Variants in DDX4 observed in about 807,000 individuals in gnomAD.
The protein encoded by DDX4 is probable ATP-dependent RNA helicase DDX4.
DDX4 carries 25 observed loss-of-function variants against 100.0 expected under a neutral mutation model. The ratio of observed to expected loss-of-function variants is 0.25; its 90% CI spans 0.18 to 0.35. The LOEUF is 0.35. Among genes scored for constraint, DDX4 ranks in the 10% least tolerant of loss-of-function variants. The probability of loss-of-function intolerance (pLI) is 1.00; values close to 1 mark genes in which losing one functional copy is unlikely to be tolerated. For missense variants in DDX4, 635 were observed against 882.4 expected, an observed-to-expected ratio of 0.72 and a Z score of 3.55; for synonymous variants, 259 against 275.7, an observed-to-expected ratio of 0.94 and a Z score of 0.60.
intron 3 of DDX4, among the ~76,000 whole-genome samples, chr5:55,747,818 G>A (rs529576925): frequency 1.3e-5 from 2 of 152,154 alleles, no homozygotes; most frequent in African/African-American, 2.4e-5. Context: ...TCTCTAAATC[G>A]AGTTACTACT....
chr5:55,816,612 A>G lies in DDX4; in HGVS notation c.*72A>G. 2 of 1,571,002 alleles carry G rather than the reference A, an allele frequency of 1.3e-6. No individual in the cohort carries two copies. Among genetic ancestry groups the G allele is most frequent in the Admixed American group, 1.8e-5 (1 of 54,728 alleles). ...TAGTTTTGATTTTTGAGTTTTTAACAGAAGTATAAAACTTAACATTCTCAT... is the reference window on the plus strand; with the variant it reads ...TAGTTTTGATTTTTGAGTTTTTAACGGAAGTATAAAACTTAACATTCTCAT... On this transcript the variant is annotated 3_prime_UTR_variant, in exon 22 of 22. Coordinates refer to ENST00000505374, the MANE Select transcript of DDX4 (RefSeq NM_024415.3).
At chr5:55,811,649 C>A (rs1343575655) in intron 18 of DDX4, among the ~76,000 whole-genome samples, 2 of 152,048 alleles carry the variant, frequency 1.3e-5, no homozygotes, top group African/African-American at 2.4e-5. Context: ...GTAGTTGCAA[C>A]CACTTATGTT....
At chr5:55,790,432 C>T in intron 15 of DDX4, 144 bp from the exon 16 acceptor site, 1 of 620,044 alleles carries the variant, frequency 1.6e-6, no homozygotes, top group Non-Finnish European at 2.8e-6. Flanking sequence ...AGGCGTGAGC[C>T]ACTGCACCCA....
intron 17 of DDX4, among the ~76,000 whole-genome samples, chr5:55,796,411 A>G (rs536215711): frequency 6.6e-6 from 1 of 152,268 alleles, no homozygotes; most frequent in East Asian, 1.9e-4. Flanking sequence ...GTCCTTATCA[A>G]TTTTGCCCTG....
chr5:55,810,102 A>ATTT (rs533865757), intron 18 of DDX4, among the ~76,000 whole-genome samples: 3 of 149,718 alleles, frequency 2.0e-5, no homozygotes, highest in African/African-American at 7.4e-5. Flanking sequence ...AGTGCTTCAT[A>ATTT]TTTTTTTTTT....
At chr5:55,769,576 A>G (rs577878805) in intron 7 of DDX4, among the ~76,000 whole-genome samples, 2 of 152,322 alleles carry the variant, frequency 1.3e-5, no homozygotes, top group African/African-American at 2.4e-5. Context: ...ATTCCTATCC[A>G]CTATATTGTT....
chr5:55,754,489 A>G (rs1436144760), intron 3 of DDX4, among the ~76,000 whole-genome samples: 2 of 146,472 alleles, frequency 1.4e-5, no homozygotes, highest in African/African-American at 5.1e-5. Flanking sequence ...TGATTTGCGT[A>G]TATTGAACCA....
chr5:55,793,561 C>T (rs910602665), intron 17 of DDX4, among the ~76,000 whole-genome samples: 3 of 152,176 alleles, frequency 2.0e-5, no homozygotes, highest in Non-Finnish European at 4.4e-5. Context: ...GAACTGCGTT[C>T]TCTTTGGGAA....
chr5:55,783,933 G>A (rs1246146572), intron 10 of DDX4, among the ~76,000 whole-genome samples: 8 of 151,554 alleles, frequency 5.3e-5, no homozygotes, highest in Non-Finnish European at 2.9e-5. Context: ...TTGGTGTGCT[G>A]CACCCATCAA....
chr5:55,773,483 A>G lies in DDX4; in HGVS notation c.394+5543A>G, dbSNP rs116056513. Reference sequence around the variant, plus strand: ...TTGAGGAACTGCCAAATTATTTTCTATAGTAGCTGTACCATTTTATATTAC... The same window carrying G: ...TTGAGGAACTGCCAAATTATTTTCTGTAGTAGCTGTACCATTTTATATTAC... On this transcript the variant is annotated intron_variant, in intron 7 of 21. Coordinates refer to ENST00000505374, the MANE Select transcript of DDX4 (RefSeq NM_024415.3). 3.5e-3 allele frequency among the ~76,000 whole-genome samples: 526 copies of G among 152,236 alleles called. 4 individuals are homozygous for G. Among genetic ancestry groups the G allele is most frequent in the African/African-American group, 0.012 (503 of 41,554 alleles).
intron 3 of DDX4, among the ~76,000 whole-genome samples, chr5:55,747,724 A>G (rs576101549): frequency 5.0e-4 from 76 of 152,262 alleles, no homozygotes; most frequent in Non-Finnish European, 9.1e-4. Flanking sequence ...ATTGAAAAAT[A>G]ACTCCCCATT....
chr5:55,739,335 A>G (rs553432049), intron 2 of DDX4, among the ~76,000 whole-genome samples: 1 of 152,366 alleles, frequency 6.6e-6, no homozygotes, highest in East Asian at 1.9e-4. Context: ...TATCAGTGAA[A>G]GACGCTTGTA....
intron 7 of DDX4, among the ~76,000 whole-genome samples, chr5:55,778,696 C>A (rs541754348): frequency 1.3e-5 from 2 of 152,258 alleles, no homozygotes; most frequent in Non-Finnish European, 2.9e-5. Flanking sequence ...GAGTTCCAGA[C>A]CAGCCTGGCC....
intron 3 of DDX4, among the ~76,000 whole-genome samples, chr5:55,757,665 T>G (rs994313848): frequency 6.6e-6 from 1 of 152,220 alleles, no homozygotes; most frequent in African/African-American, 2.4e-5. Context: ...GAATCTTTAT[T>G]GAAGACCTTT....
intron 2 of DDX4, among the ~76,000 whole-genome samples, chr5:55,744,937 G>A (rs975383190): frequency 5.9e-5 from 9 of 151,934 alleles, no homozygotes; most frequent in Admixed American, 2.0e-4. Flanking sequence ...CTGGAGTGCA[G>A]TGGCACGATC....
Position 55,770,395 on chromosome 5 carries a change from C to T in DDX4, c.394+2455C>T, listed in dbSNP as rs145609999. On this transcript the variant is annotated intron_variant, in intron 7 of 21. Coordinates refer to ENST00000505374, the MANE Select transcript of DDX4 (RefSeq NM_024415.3). ...AAGTCTAGCTGTATTTCACCATACT[C>T]TGGTAATTCAGCTTCTATTGAATTT... Among the ~76,000 whole-genome samples the T allele has an allele frequency of 9.1e-4, 138 of 152,290 alleles. No homozygotes were observed. The Middle Eastern group carries it at 0.01, about 11-fold the overall frequency.
At chr5:55,751,454 T>C (rs965607498) in intron 3 of DDX4, among the ~76,000 whole-genome samples, 7 of 152,178 alleles carry the variant, frequency 4.6e-5, no homozygotes, top group Non-Finnish European at 7.4e-5. Flanking sequence ...AGGCTGGTCT[T>C]GAACTCCTGA....
chr5:55,740,524 G>C (rs959414907), intron 2 of DDX4, among the ~76,000 whole-genome samples: 7 of 124,356 alleles, frequency 5.6e-5, no homozygotes, highest in African/African-American at 1.9e-4. Flanking sequence ...TTTTTTTTTT[G>C]AGATGGAGTC....
chr5:55,749,268 A>G (rs1346998564), intron 3 of DDX4, among the ~76,000 whole-genome samples: 1 of 152,126 alleles, frequency 6.6e-6, no homozygotes, highest in Non-Finnish European at 1.5e-5. Context: ...TGTCTGTACA[A>G]AAAATTTTTA....
Sources: gnomAD v4.1 joint callset for allele counts (sites outside exome capture counted in the v4.1 genomes callset) on GRCh38, gnomAD v4.1.1 for gene constraint, MANE v1.5 for transcripts, NCBI Gene and HGNC (gene_info 2026-07-23, HGNC 2026-07-21) for gene names.